NOS2: variants seen among roughly 807,000 people sequenced by gnomAD.
The protein encoded by NOS2 is nitric oxide synthase, inducible.
A neutral mutation model predicts 136.0 loss-of-function variants in NOS2; 96 were observed. That is an observed-to-expected ratio of 0.71 (90% confidence interval 0.60 to 0.84). The LOEUF (loss-of-function observed/expected upper bound fraction) is 0.84. Ranked by LOEUF, NOS2 falls within the 40% of genes least tolerant of loss-of-function variation. The pLI, the probability that NOS2 is intolerant of heterozygous loss-of-function variation, is 0.00. For synonymous variants in NOS2, 539 were observed against 587.5 expected (o/e 0.92, Z 1.20); for missense variants, 1,237 against 1,496.9 (o/e 0.83, Z 2.87).
chr17:27,772,516 G>T (rs1014183055), intron 13 of NOS2, 64 bp from the exon 14 acceptor site: 3 of 1,589,192 alleles, frequency 1.9e-6, no homozygotes, highest in African/African-American at 1.3e-5. Flanking sequence ...GAAAATGGGG[G>T]ACCAGGGGAA....
chr17:27,773,184 C>A lies in NOS2; in HGVS notation c.1536G>T (p.Glu512Asp), dbSNP rs757798510. Residue 512 changes from glutamate (E) to aspartate (D), a missense_variant, in exon 13 of 27, where the codon GAG becomes GAT. Coordinates refer to ENST00000313735, the MANE Select transcript of NOS2 (RefSeq NM_000625.4). ...QDEKRRPKRR[E>D]IPLKVLVKAV... ...ACTTGACCAAGACTTTCAATGGAAT[C>A]TCTCTTCTCTTGGGTCTCCGCTTCT... 1 of 1,614,030 alleles carries A rather than the reference C, an allele frequency of 6.2e-7. No homozygotes were observed. Among genetic ancestry groups the A allele is most frequent in the Non-Finnish European group, 8.5e-7 (1 of 1,179,946 alleles).
chr17:27,789,765 C>T (rs902374134), intron 2 of NOS2, 77 bp from the exon 3 acceptor site: 4 of 995,340 alleles, frequency 4.0e-6, no homozygotes, highest in Non-Finnish European at 6.4e-6. Flanking sequence ...CTGCCAGTAA[C>T]CTCATTTGAC....
intron 19 of NOS2, 54 bp from the exon 20 acceptor site, chr17:27,765,770 C>T: frequency 1.3e-6 from 2 of 1,512,364 alleles, no homozygotes; most frequent in East Asian, 2.3e-5. Context: ...CTCCAGGGCT[C>T]CTTGATGGGC....
chr17:27,789,777 A>T (rs923851407), intron 2 of NOS2, 89 bp from the exon 3 acceptor site: 38 of 899,558 alleles, frequency 4.2e-5, no homozygotes, highest in Middle Eastern at 2.2e-4. Context: ...TCATTTGACA[A>T]ATAGGGAAAC....
chr17:27,761,020 C>A (rs564406707), intron 23 of NOS2, 124 bp downstream of exon 23: 2 of 952,202 alleles, frequency 2.1e-6, no homozygotes, highest in South Asian at 3.5e-5. Context: ...CCAGTGTGAC[C>A]CCAGTGCCTT....
chr17:27,772,175 C>T, intron 14 of NOS2, 133 bp downstream of exon 14: 1 of 1,001,152 alleles, frequency 1.0e-6, no homozygotes, highest in Non-Finnish European at 1.5e-6. Context: ...CTTTCCTTCT[C>T]TTCCAGATTA....
chr17:27,767,315 G>T (rs1028559338), intron 18 of NOS2, among the ~76,000 whole-genome samples: 3 of 152,260 alleles, frequency 2.0e-5, no homozygotes, highest in African/African-American at 7.2e-5. Flanking sequence ...CAGCTGGAAG[G>T]CTGGGGCTCA....
In NOS2 at chr17:27,760,066, C is replaced by T. The variant is rs1597542280; in HGVS notation, c.3123G>A (p.Val1041=). The T allele has an allele frequency of 6.3e-7, 1 of 1,591,280 alleles. No homozygotes were observed. The highest frequency in any genetic ancestry group is 8.5e-7 in the Non-Finnish European group (1 of 1,170,032). The part of the protein sequence containing the change: ...EMAQKGVLHA[V]HTAYSRLPGK... Reference sequence around the variant, plus strand: ...CAGGCAGGCGGGAATAGGCTGTGTGCACCGCATGCAGCACCCCCTTCTGGG... The same window carrying T: ...CAGGCAGGCGGGAATAGGCTGTGTGTACCGCATGCAGCACCCCCTTCTGGG... Residue 1041 remains valine, a synonymous_variant, in exon 25 of 27, where the codon GTG becomes GTA. Coordinates refer to ENST00000313735, the MANE Select transcript of NOS2 (RefSeq NM_000625.4).
chr17:27,783,067 T>C lies in NOS2; in HGVS notation c.507A>G (p.Val169=), dbSNP rs528419830. 6.8e-6 allele frequency: 11 copies of C among 1,614,204 alleles called. No individual in the cohort carries two copies. The South Asian group carries it at 1.2e-4, about 18-fold the overall frequency. Residue 169 remains valine (V), a synonymous_variant, in exon 6 of 27, where the codon GTA becomes GTG. Coordinates refer to ENST00000313735, the MANE Select transcript of NOS2 (RefSeq NM_000625.4). ...IEEHLARVEA[V]TKEIETTGTY... ...TTCCTGTTGTTTCTATCTCCTTTGTTACCGCTTCCACCCTGGCCAGATGTT... is the reference window on the plus strand; with the variant it reads ...TTCCTGTTGTTTCTATCTCCTTTGTCACCGCTTCCACCCTGGCCAGATGTT...
intron 12 of NOS2, 39 bp from the exon 13 acceptor site, chr17:27,773,282 C>G (rs1172773049): frequency 6.6e-7 from 1 of 1,504,164 alleles, no homozygotes; most frequent in Admixed American, 1.7e-5. Flanking sequence ...AGGGCGGGGT[C>G]CTGGCTTGGC....
intron 9 of NOS2, 101 bp downstream of exon 9, chr17:27,780,666 G>T: frequency 6.7e-7 from 1 of 1,488,416 alleles, no homozygotes; most frequent in East Asian, 2.3e-5. Flanking sequence ...GCTGCTGGCT[G>T]GGCTTTAGGG....
intron 15 of NOS2, among the ~76,000 whole-genome samples, chr17:27,770,424 T>C (rs1267146783): frequency 6.6e-6 from 1 of 152,204 alleles, no homozygotes; most frequent in African/African-American, 2.4e-5. Flanking sequence ...AGGCAGAGTT[T>C]GCAGTGAGCT....
intron 25 of NOS2, 69 bp downstream of exon 25, chr17:27,759,961 T>C (rs1399762994): frequency 1.4e-6 from 2 of 1,415,684 alleles, no homozygotes; most frequent in Non-Finnish European, 1.9e-6. Flanking sequence ...GCGAGGGGCC[T>C]GTGGGGACCC....
Position 27,757,345 on chromosome 17 carries a change from C to T in NOS2, c.3363G>A (p.Lys1121=). ...CACCAAAGATATCTTCGTGATAGCGCTTCTGGCTCTTTTAGGTAAAAACAG... is the reference window on the plus strand; with the variant it reads ...CACCAAAGATATCTTCGTGATAGCGTTTCTGGCTCTTTTAGGTAAAAACAG... ...EDYFFQLKSQ[K]RYHEDIFGAV... is the part of the protein sequence containing the mutation. Residue 1121 remains lysine, a synonymous_variant, in exon 27 of 27, where the codon AAG becomes AAA. Transcript: ENST00000313735. 1.2e-6 allele frequency: 2 copies of T among 1,613,984 alleles called. No individual in the cohort carries two copies. The highest frequency in any genetic ancestry group is 1.7e-6 in the Non-Finnish European group (2 of 1,179,954).
rs575852545 is a variant in NOS2, at chr17:27,757,994, G to C, written c.3355-641C>G. On this transcript the variant is annotated intron_variant, in intron 26 of 26. Coordinates refer to ENST00000313735, the MANE Select transcript of NOS2 (RefSeq NM_000625.4). ...GTTTATTCTCAGATGCCACCTTCCAGCTCTGCCTTCCCTGGCCACCCTATT... is the reference window on the plus strand; with the variant it reads ...GTTTATTCTCAGATGCCACCTTCCACCTCTGCCTTCCCTGGCCACCCTATT... Among the ~76,000 whole-genome samples, 3 of 152,220 alleles carry C rather than the reference G, an allele frequency of 2.0e-5. No homozygotes were observed. The South Asian group carries it at 6.2e-4, about 32-fold the overall frequency.
In NOS2 at chr17:27,782,931, T is replaced by TA. The variant is rs1446511245; in HGVS notation, c.630+12dup. 6.2e-7 allele frequency: 1 copy of TA among 1,613,632 alleles called. No individual in the cohort carries two copies. Among genetic ancestry groups the TA allele is most frequent in the Non-Finnish European group, 8.5e-7 (1 of 1,179,908 alleles). On this transcript the variant is annotated intron_variant, in intron 6 of 26. Coordinates refer to ENST00000313735, the MANE Select transcript of NOS2 (RefSeq NM_000625.4). ...CCTCCAGCTCTCTCCCGCTCAAGTCTAAGGAAGTTCACCTGCAGGTTGGAC... is the reference window on the plus strand; with the variant it reads ...CCTCCAGCTCTCTCCCGCTCAAGTCTAAAGGAAGTTCACCTGCAGGTTGGAC...
At chr17:27,770,029 G>A (rs888162883) in intron 15 of NOS2, among the ~76,000 whole-genome samples, 2 of 152,208 alleles carry the variant, frequency 1.3e-5, no homozygotes, top group African/African-American at 4.8e-5. Flanking sequence ...CAGAACTAGC[G>A]TCAAATCCCA....
At chr17:27,777,436 C>T (rs1908694270) in intron 11 of NOS2, among the ~76,000 whole-genome samples, 1 of 152,182 alleles carries the variant, frequency 6.6e-6, no homozygotes, top group Admixed American at 6.5e-5. Flanking sequence ...CTTAGCCCTA[C>T]ACAGGAGCCC....
chr17:27,778,787 A>G lies in NOS2; in HGVS notation c.1184T>C (p.Val395Ala). 2 of 1,614,072 alleles carry G rather than the reference A, an allele frequency of 1.2e-6. No individual in the cohort carries two copies. Among genetic ancestry groups the G allele is most frequent in the Non-Finnish European group, 8.5e-7 (1 of 1,179,980 alleles). The change falls in exon 11 of 27, where the codon GTG (valine) becomes GCG (alanine). Residue 395 changes from valine (V) to alanine (A), a missense_variant. This residue lies in a region of NOS2 where 440 missense variants were observed against 545.4 expected (regional missense o/e 0.81). Coordinates refer to ENST00000313735, the MANE Select transcript of NOS2 (RefSeq NM_000625.4). ...DVQRYNILEE[V>A]GRRMGLETHK... ...CGTTTCCAGGCCCATTCTCCTGCCC[A>G]CTTCCTACAGAGGCAGAGTGATAGC...
Sources: gnomAD v4.1 joint callset for allele counts (sites outside exome capture counted in the v4.1 genomes callset) on GRCh38, gnomAD v4.1.1 for gene constraint, gnomAD v4.1.1 regional missense constraint, MANE v1.5 for transcripts, NCBI Gene and HGNC (gene_info 2026-07-23, HGNC 2026-07-21) for gene names.